The following PHEX variants were observed in gnomAD, a reference collection of about 807,000 sequenced individuals.
The protein encoded by PHEX is phosphate-regulating neutral endopeptidase PHEX.
PHEX carries 16 observed loss-of-function variants against 68.0 expected under a neutral mutation model. That is an observed-to-expected ratio of 0.24 (90% confidence interval 0.16 to 0.36). The LOEUF is 0.36. PHEX is among the 10% of genes least tolerant of loss of function. The pLI is 1.00. For missense variants in PHEX, 480 were observed against 575.5 expected, an observed-to-expected ratio of 0.83 and a Z score of 1.70; for synonymous variants, 208 against 205.1, an observed-to-expected ratio of 1.01 and a Z score of -0.12.
intron 3 of PHEX, among the ~76,000 whole-genome samples, chrX:22,060,696 G>A (rs185891057): frequency 7.3e-4 from 81 of 111,641 alleles, no homozygotes; most frequent in Non-Finnish European, 9.6e-4. Flanking sequence ...TAGGAGGAAA[G>A]AAACATTTCA....
intron 1 of PHEX, among the ~76,000 whole-genome samples, chrX:22,034,151 A>G (rs1351998023): frequency 8.9e-6 from 1 of 112,004 alleles, no homozygotes; most frequent in Non-Finnish European, 1.9e-5. Context: ...TACTCCTGCA[A>G]CTGAATCTGT....
rs1052698157 is a variant in PHEX at position 22,131,185 on chromosome X, G to A, written c.1303-2338G>A. On this transcript the variant is annotated intron_variant, in intron 11 of 21. Transcript: ENST00000379374. ...CTCCTGAGTAGCTGGGATTACAGGC[G>A]CCTGCTACTACACCCAGCTAATTTT... 2.7e-5 allele frequency among the ~76,000 whole-genome samples: 3 copies of A among 109,879 alleles called. 1 individual carries two copies. The highest frequency in any genetic ancestry group is 5.7e-5 in the Non-Finnish European group (3 of 52,692).
In PHEX at chrX:22,232,301, C is replaced by A. The variant is rs763198786; in HGVS notation, c.2070+4690C>A. 2.7e-5 allele frequency among the ~76,000 whole-genome samples: 3 copies of A among 111,033 alleles called. No individual in the cohort carries two copies. In the South Asian group the frequency reaches 1.1e-3, roughly 42 times the overall value. ...CCTATTAGGTCCACTTGGTCCAGAG[C>A]TGAGTTCAAGTTCTGGATATCCTTG... On this transcript the variant is annotated intron_variant, in intron 20 of 21. Coordinates refer to ENST00000379374, the MANE Select transcript of PHEX (RefSeq NM_000444.6).
chrX:22,245,196 T>C (rs1936356610), intron 20 of PHEX, 137 bp from the exon 21 acceptor site: 1 of 566,067 alleles, frequency 1.8e-6, no homozygotes, highest in Admixed American at 2.3e-5. Flanking sequence ...CAGATGACGG[T>C]TTTATTTGAT....
chrX:22,209,154 G>A (rs181420931), intron 15 of PHEX, among the ~76,000 whole-genome samples: 1 of 111,265 alleles, frequency 9.0e-6, no homozygotes, highest in East Asian at 2.8e-4. Context: ...GGTGAGTGTG[G>A]CTCCTGCCGC....
chrX:22,080,669 C>T (rs1402142613), intron 5 of PHEX, among the ~76,000 whole-genome samples: 2 of 110,688 alleles, frequency 1.8e-5, no homozygotes, highest in African/African-American at 6.6e-5. Flanking sequence ...TTTGAAGCCC[C>T]CCCCACTTAT....
chrX:22,044,304 G>T (rs1329713477), intron 2 of PHEX, among the ~76,000 whole-genome samples: 3 of 111,400 alleles, frequency 2.7e-5, no homozygotes, highest in Non-Finnish European at 1.9e-5. Flanking sequence ...TGTCTCTGAG[G>T]TGTCACATAG....
intron 20 of PHEX, among the ~76,000 whole-genome samples, chrX:22,241,950 C>A (rs1479427632): frequency 9.0e-6 from 1 of 111,631 alleles, no homozygotes; most frequent in Non-Finnish European, 1.9e-5. Flanking sequence ...ATCCTGATAC[C>A]AAAACCTGGC....
intron 20 of PHEX, among the ~76,000 whole-genome samples, chrX:22,229,250 T>C (rs1935621704): frequency 8.9e-6 from 1 of 112,139 alleles, no homozygotes; most frequent in East Asian, 2.8e-4. Flanking sequence ...CCTTTGGGTA[T>C]ATACCCAGTA....
chrX:22,039,199 C>T lies in PHEX; in HGVS notation c.187+662C>T, dbSNP rs188429609. ...GGCCACACTGATCTCGAACTCCTGACCTCAAGTGATCCACCCGCCTTGGCC... is the reference window on the plus strand; with the variant it reads ...GGCCACACTGATCTCGAACTCCTGATCTCAAGTGATCCACCCGCCTTGGCC... On this transcript the variant is annotated intron_variant, in intron 2 of 21. Coordinates refer to ENST00000379374, the MANE Select transcript of PHEX (RefSeq NM_000444.6). 7.0e-3 allele frequency among the ~76,000 whole-genome samples: 781 copies of T among 112,288 alleles called. 9 individuals are homozygous for T. Among genetic ancestry groups the T allele is most frequent in the African/African-American group, 0.024 (734 of 30,930 alleles).
chrX:22,122,345 G>T (rs1931522358), intron 11 of PHEX, among the ~76,000 whole-genome samples: 1 of 111,215 alleles, frequency 9.0e-6, no homozygotes, highest in Non-Finnish European at 1.9e-5. Context: ...TTATTATCAA[G>T]ATCACTTTCC....
chrX:22,235,534 T>C, intron 20 of PHEX, among the ~76,000 whole-genome samples: 1 of 111,072 alleles, frequency 9.0e-6, no homozygotes, highest in Non-Finnish European at 1.9e-5. Context: ...CTCTGTGTCC[T>C]CACATGGTGG....
intron 2 of PHEX, among the ~76,000 whole-genome samples, chrX:22,039,056 C>T (rs1332509867): frequency 1.8e-5 from 2 of 112,167 alleles, no homozygotes; most frequent in African/African-American, 6.5e-5. Context: ...GCATCCTCCA[C>T]CTCCTGGGCT....
At chrX:22,063,004 G>A (rs143714883) in intron 3 of PHEX, among the ~76,000 whole-genome samples, 84 of 111,303 alleles carry the variant, frequency 7.5e-4, no homozygotes, top group African/African-American at 2.5e-3. Flanking sequence ...CAAGTGATCC[G>A]CCTACCTTGG....
At chrX:22,098,359 G>A (rs887679528) in intron 8 of PHEX, among the ~76,000 whole-genome samples, 1 of 108,418 alleles carries the variant, frequency 9.2e-6, no homozygotes, top group African/African-American at 3.4e-5. Context: ...GAGAAAGACA[G>A]AGGGGAGAGT....
intron 21 of PHEX, 80 bp from the exon 22 acceptor site, chrX:22,247,771 A>G: frequency 1.4e-6 from 1 of 700,015 alleles, no homozygotes; most frequent in South Asian, 2.2e-5. Flanking sequence ...TCTTTCTAGC[A>G]ATATTCTGCT....
rs1930116034 is a variant in PHEX, at chrX:22,095,953, G to A, written c.850-1002G>A. Among the ~76,000 whole-genome samples the A allele has an allele frequency of 2.7e-5, 3 of 111,932 alleles. No homozygotes were observed. In the South Asian group the frequency reaches 1.1e-3, roughly 42 times the overall value. Reference sequence around the variant, plus strand: ...CCAGCTAGAGAGATGTGTGCACAAGGAGAGGTTTTATTGATGGAGTAGCCC... The same window carrying A: ...CCAGCTAGAGAGATGTGTGCACAAGAAGAGGTTTTATTGATGGAGTAGCCC... On this transcript the variant is annotated intron_variant, in intron 7 of 21. Transcript: ENST00000379374.
chrX:22,065,376 A>G (rs16981742), intron 3 of PHEX, among the ~76,000 whole-genome samples: 2,191 of 112,076 alleles, frequency 0.02, 53 homozygotes, highest in African/African-American at 0.068. Context: ...AACTGCTTCT[A>G]CTACCCACTG....
chrX:22,180,429 T>C (rs747296199), intron 14 of PHEX, among the ~76,000 whole-genome samples: 54 of 111,155 alleles, frequency 4.9e-4, no homozygotes, highest in African/African-American at 1.6e-3. Context: ...CTCTTTTAAA[T>C]TTCTGACTGG....
Sources: allele counts gnomAD v4.1 joint callset (sites outside exome capture counted in the v4.1 genomes callset), GRCh38; gene constraint gnomAD v4.1.1; transcripts MANE v1.5; gene names NCBI Gene and HGNC (gene_info 2026-07-23, HGNC 2026-07-21).